Variants in ABCA13 observed in about 807,000 individuals in gnomAD.
ABCA13 encodes the protein ATP binding cassette subfamily A member 13, also known as ATP-binding cassette sub-family A member 13.
Under a neutral mutation model 478.7 loss-of-function variants are expected in ABCA13, and 476 were observed. That is an observed-to-expected ratio of 0.99 (90% CI 0.92 to 1.07). ABCA13 has a LOEUF of 1.07. ABCA13 is among the 50% of genes least tolerant of loss of function. The pLI is 0.00. For synonymous variants in ABCA13, 2,252 were observed against 2,158.9 expected (o/e 1.04, Z -1.20); for missense variants, 6,060 against 5,910.6 (o/e 1.03, Z -0.83).
intron 29 of ABCA13, among the ~76,000 whole-genome samples, chr7:48,341,881 T>TATATATATATATCTTTCTG (rs1563084676): frequency 0.015 from 402 of 27,664 alleles, 15 homozygotes; most frequent in Admixed American, 0.022. Flanking sequence ...ATCTTTCTGA[T>TATATATATATATCTTTCTG]ATATATATAT....
At chr7:48,276,937 G>A (rs1340352021) in intron 17 of ABCA13, among the ~76,000 whole-genome samples, 2 of 152,022 alleles carry the variant, frequency 1.3e-5, no homozygotes, top group Non-Finnish European at 2.9e-5. Context: ...ACCAACTAGG[G>A]GCTTAAGTAT....
Position 48,314,304 on chromosome 7 carries a change from G to C in ABCA13, c.9754G>C (p.Asp3252His), listed in dbSNP as rs200330199. 189 of 1,613,800 alleles carry C rather than the reference G, an allele frequency of 1.2e-4. 1 individual carries two copies. The highest frequency in any genetic ancestry group is 4.9e-4 in the Middle Eastern group (3 of 6,062). The change falls in exon 26 of 62, where the codon GAC (aspartate) becomes CAC (histidine). Residue 3252 changes from aspartate to histidine, a missense_variant. Physicochemically the swap from Asp to His is moderately conservative, Grantham distance 81. This residue lies in a region of ABCA13 where 4,423 missense variants were observed against 4,309.1 expected (regional missense o/e 1.03). Coordinates refer to ENST00000435803, the MANE Select transcript of ABCA13 (RefSeq NM_152701.5). ...FQFVMKMVCKDQASFLSDSNM... is the reference protein window; with the variant it reads ...FQFVMKMVCKHQASFLSDSNM... ...GTTTGTGATGAAGATGGTTTGCAAG[G>C]ACCAAGCATCATTCCTTAGCGATTC...
chr7:48,433,992 T>A (rs545251714), intron 42 of ABCA13, among the ~76,000 whole-genome samples: 1 of 152,108 alleles, frequency 6.6e-6, no homozygotes, highest in East Asian at 1.9e-4. Context: ...GATGTACAAA[T>A]ATCTGTTCAA....
intron 55 of ABCA13, among the ~76,000 whole-genome samples, chr7:48,541,498 G>A (rs1833939203): frequency 6.6e-6 from 1 of 151,930 alleles, no homozygotes; most frequent in South Asian, 2.1e-4. Flanking sequence ...ATGACAAAGA[G>A]GTTGTTATCC....
chr7:48,275,909 A>G lies in ABCA13; in HGVS notation c.6243A>G (p.Glu2081=). 1.2e-6 allele frequency: 2 copies of G among 1,613,692 alleles called. No homozygotes were observed. The highest frequency in any genetic ancestry group is 1.7e-6 in the Non-Finnish European group (2 of 1,179,818). ...TTAGAATCAGACACCTGCTTTCTGA[A>G]ATGAACAAAGGAATCAAAAGTATAA... ...QDFRIRHLLS[E]MNKGIKSINS... Residue 2081 remains glutamate, a synonymous_variant, in exon 17 of 62, where the codon GAA becomes GAG. Transcript: ENST00000435803.
At chr7:48,256,253 T>G (rs1793369696) in intron 15 of ABCA13, among the ~76,000 whole-genome samples, 2 of 152,208 alleles carry the variant, frequency 1.3e-5, no homozygotes, top group South Asian at 2.1e-4. Flanking sequence ...GGGTGTCTGT[T>G]TACTCTCTTG....
chr7:48,337,749 G>A (rs954641093), intron 28 of ABCA13, among the ~76,000 whole-genome samples: 1 of 152,178 alleles, frequency 6.6e-6, no homozygotes, highest in African/African-American at 2.4e-5. Context: ...CAAGTACATG[G>A]ATATCAATGG....
At chr7:48,436,943 G>A (rs984180110) in intron 42 of ABCA13, among the ~76,000 whole-genome samples, 9 of 151,490 alleles carry the variant, frequency 5.9e-5, no homozygotes, top group Non-Finnish European at 1.2e-4. Context: ...TATAACATGT[G>A]ATCTATCCTT....
rs1462673688 is a variant in ABCA13 at position 48,455,227 on chromosome 7, G to A, written c.12756G>A (p.Glu4252=). 2 of 1,603,706 alleles carry A rather than the reference G, an allele frequency of 1.2e-6. No homozygotes were observed. The highest frequency in any genetic ancestry group is 1.7e-5 in the Admixed American group (1 of 58,974). ...TCATGGTGAGACCCCTGGCCACCGA[G>A]TACCCTCCCCTCAGACTCACACCTG... ...GLFMVRPLAT[E]YPPLRLTPGH... Residue 4252 remains glutamate (E), a synonymous_variant, in exon 43 of 62, where the codon GAG becomes GAA. Transcript: ENST00000435803.
chr7:48,598,346 G>T (rs1239437357), intron 58 of ABCA13, among the ~76,000 whole-genome samples: 1 of 152,126 alleles, frequency 6.6e-6, no homozygotes, highest in African/African-American at 2.4e-5. Context: ...ACCACATCTT[G>T]GTTGCTTCCA....
In ABCA13 at chr7:48,219,518, C is replaced by T; in HGVS notation, c.439+13C>T. The T allele has an allele frequency of 6.3e-7, 1 of 1,599,712 alleles. No homozygotes were observed. Among genetic ancestry groups the T allele is most frequent in the African/African-American group, 1.4e-5 (1 of 73,792 alleles). On this transcript the variant is annotated intron_variant, in intron 4 of 61. Transcript: ENST00000435803. ...TCCAACACTCCAGGCAAGTAAACCT[C>T]TCATAACTGTGACACTACCTACCTG...
In ABCA13 at chr7:48,367,874, A is replaced by T; in HGVS notation, c.10769A>T (p.Lys3590Met). 1 of 1,580,760 alleles carries T rather than the reference A, an allele frequency of 6.3e-7. No homozygotes were observed. The highest frequency in any genetic ancestry group is 1.8e-5 in the Admixed American group (1 of 55,020). Residue 3590 changes from lysine (K) to methionine (M), a missense_variant, in exon 32 of 62, where the codon AAG becomes ATG. This residue lies in a region of ABCA13 where 4,423 missense variants were observed against 4,309.1 expected (regional missense o/e 1.03). Transcript: ENST00000435803. ...GTGTCTGTGGCCAGCATGGTCAGAA[A>T]GTTGGTGTATGAGCAGGAGATACAG... is the stretch of plus-strand genomic sequence containing the variant. ...WMVSVASMVR[K>M]LVYEQEIQIE...
chr7:48,578,349 A>G (rs1788388708), intron 55 of ABCA13, among the ~76,000 whole-genome samples: 1 of 152,176 alleles, frequency 6.6e-6, no homozygotes, highest in African/African-American at 2.4e-5. Flanking sequence ...AAATACTCCT[A>G]GAACTAATAG....
At chr7:48,312,892 T>A (rs140094816) in intron 24 of ABCA13, among the ~76,000 whole-genome samples, 175 bp from the exon 25 acceptor site, 36 of 152,364 alleles carry the variant, frequency 2.4e-4, no homozygotes, top group African/African-American at 8.7e-4. Flanking sequence ...CCAAAACACA[T>A]GAGCTATATA....
At chr7:48,402,531 C>T (rs1319443635) in intron 38 of ABCA13, among the ~76,000 whole-genome samples, 3 of 152,132 alleles carry the variant, frequency 2.0e-5, no homozygotes, top group African/African-American at 7.2e-5. Flanking sequence ...GAGATTTAAC[C>T]AGCAGAAAAT....
At chr7:48,304,180 C>A (rs1430854201) in intron 23 of ABCA13, among the ~76,000 whole-genome samples, 2 of 152,058 alleles carry the variant, frequency 1.3e-5, no homozygotes, top group Non-Finnish European at 2.9e-5. Context: ...CAAAATAAAA[C>A]CTGGATAGTT....
intron 48 of ABCA13, among the ~76,000 whole-genome samples, chr7:48,502,237 G>C (rs1261289864): frequency 6.6e-6 from 1 of 152,156 alleles, no homozygotes; most frequent in African/African-American, 2.4e-5. Flanking sequence ...TGGGAGACCA[G>C]ATGTACTCTC....
chr7:48,560,561 T>A (rs1426478139), intron 55 of ABCA13, among the ~76,000 whole-genome samples: 1 of 152,232 alleles, frequency 6.6e-6, no homozygotes, highest in Non-Finnish European at 1.5e-5. Context: ...ATTTGGTGTT[T>A]CTGCAGGAGG....
At chr7:48,382,137 C>T (rs903925472) in intron 35 of ABCA13, among the ~76,000 whole-genome samples, 1 of 152,138 alleles carries the variant, frequency 6.6e-6, no homozygotes. Context: ...AAGCCATTAC[C>T]TTAGTTCAGG....
Sources: allele counts gnomAD v4.1 joint callset (sites outside exome capture counted in the v4.1 genomes callset), GRCh38; gene constraint gnomAD v4.1.1; regional missense constraint gnomAD v4.1.1; transcripts MANE v1.5; gene names NCBI Gene and HGNC (gene_info 2026-07-23, HGNC 2026-07-21).